CPT2: variants seen among roughly 807,000 people sequenced by gnomAD.
CPT2 encodes the protein carnitine O-palmitoyltransferase 2, mitochondrial.
In CPT2, 37 loss-of-function variants were observed where a neutral mutation model predicts 48.6. The ratio of observed to expected loss-of-function variants is 0.76; its 90% confidence interval spans 0.59 to 1.00. The LOEUF (loss-of-function observed/expected upper bound fraction) is 1.00, where lower values mean the gene tolerates loss of function less well. CPT2 is among the 50% of genes least tolerant of loss of function. The probability of loss-of-function intolerance (pLI) is 0.00; values close to 1 mark genes in which losing one functional copy is unlikely to be tolerated. For missense variants in CPT2, 772 were observed against 825.6 expected, an observed-to-expected ratio of 0.94 and a Z score of 0.80; for synonymous variants, 319 against 326.9, an observed-to-expected ratio of 0.98 and a Z score of 0.26.
chr1:53,212,666 T>G (rs1331537758), intron 4 of CPT2: 1 of 399,974 alleles, frequency 2.5e-6, no homozygotes, highest in African/African-American at 2.1e-5. Flanking sequence ...TTTGATAAAA[T>G]TCAAGACCTG....
In CPT2 at chr1:53,213,248, A is replaced by G; in HGVS notation, c.1646-16A>G. ...TTCCATCCTGAGACTCTGGTTTTCC[A>G]TTTTGTTTCTCACAGGCCAGGGCTT... On this transcript the variant is annotated splice_polypyrimidine_tract_variant and intron_variant, in intron 4 of 4. Transcript: ENST00000371486. 6.2e-7 allele frequency: 1 copy of G among 1,613,730 alleles called. No individual in the cohort carries two copies. The highest frequency in any genetic ancestry group is 8.5e-7 in the Non-Finnish European group (1 of 1,179,992).
At chr1:53,204,245 G>A (rs1645372307) in intron 3 of CPT2, 2 of 150,492 alleles carry the variant, frequency 1.3e-5, no homozygotes, top group African/African-American at 5.0e-5. Context: ...TAGAATTTCT[G>A]GGTCTCATCC....
chr1:53,197,448 C>T, intron 1 of CPT2: 1 of 389,954 alleles, frequency 2.6e-6, no homozygotes, highest in Non-Finnish European at 4.8e-6. Context: ...TGTAATCCCT[C>T]GACTATGGTG....
Position 53,211,019 on chromosome 1 carries a change from C to G in CPT2, c.1345C>G (p.Gln449Glu), listed in dbSNP as rs1057517492. The change falls in exon 4 of 5, where the codon CAG (glutamine) becomes GAG (glutamate). Residue 449 changes from glutamine to glutamate, a missense_variant. Gln to Glu is a conservative substitution (Grantham distance 29, BLOSUM62 2). Transcript: ENST00000371486. ...KTLTIDCVQFQRGGKEFLKKQ... is the reference protein window; with the variant it reads ...KTLTIDCVQFERGGKEFLKKQ... Reference sequence around the variant, plus strand: ...CCTCACTATTGACTGCGTCCAGTTTCAGAGAGGAGGCAAAGAATTCCTGAA... The same window carrying G: ...CCTCACTATTGACTGCGTCCAGTTTGAGAGAGGAGGCAAAGAATTCCTGAA... 2 of 1,614,116 alleles carry G rather than the reference C, an allele frequency of 1.2e-6. No homozygotes were observed. The highest frequency in any genetic ancestry group is 1.7e-6 in the Non-Finnish European group (2 of 1,180,046).
intron 3 of CPT2, among the ~76,000 whole-genome samples, chr1:53,206,242 A>C (rs1382282648): frequency 6.6e-6 from 1 of 152,096 alleles, no homozygotes; most frequent in Non-Finnish European, 1.5e-5. Context: ...CTATATGGAA[A>C]CACCTGGATG....
intron 4 of CPT2, 26 bp downstream of exon 4, chr1:53,211,345 C>T (rs1317717892): frequency 1.3e-6 from 2 of 1,562,990 alleles, no homozygotes; most frequent in Non-Finnish European, 1.7e-6. Context: ...GGAGCATGCC[C>T]TTGGGTCTTG....
chr1:53,210,713 G>C lies in CPT2; in HGVS notation c.1039G>C (p.Gly347Arg). ...HLSHNMLHGD[G>R]TNRWFDKSFN... ...GTCCCACAATATGCTGCATGGGGAT[G>C]GCACAAACCGCTGGTTTGATAAATC... is the stretch of plus-strand genomic sequence containing the variant. Residue 347 changes from glycine (G) to arginine (R), a missense_variant, in exon 4 of 5, where the codon GGC becomes CGC. Gly to Arg is a moderately radical substitution (Grantham distance 125). Coordinates refer to ENST00000371486, the MANE Select transcript of CPT2 (RefSeq NM_000098.3). The C allele has an allele frequency of 6.2e-7, 1 of 1,614,182 alleles. No individual in the cohort carries two copies. The highest frequency in any genetic ancestry group is 8.5e-7 in the Non-Finnish European group (1 of 1,180,034).
In CPT2 at chr1:53,213,806, A is replaced by G; in HGVS notation, c.*211A>G. 1.9e-6 allele frequency: 1 copy of G among 530,590 alleles called. No individual in the cohort carries two copies. Among genetic ancestry groups the G allele is most frequent in the Non-Finnish European group, 3.4e-6 (1 of 295,018 alleles). 32.9% of individuals were successfully genotyped at this position (530,590 alleles called of 1,614,324 possible). A position where few individuals can be genotyped will look rare whatever the true frequency, so the allele number is the denominator to read the frequency against. On this transcript the variant is annotated 3_prime_UTR_variant, in exon 5 of 5. Coordinates refer to ENST00000371486, the MANE Select transcript of CPT2 (RefSeq NM_000098.3). ...TAGCTGGGTGTGGTGGCATGTGCCT[A>G]TAATCCCAGCTACTTGGGAGGTTGA... is the stretch of plus-strand genomic sequence containing the variant.
intron 3 of CPT2, among the ~76,000 whole-genome samples, chr1:53,207,099 A>G (rs532952619): frequency 2.0e-5 from 3 of 151,784 alleles, no homozygotes; most frequent in African/African-American, 2.4e-5. Context: ...GGCAGTTCCT[A>G]CTCCTTGCTT....
chr1:53,211,151 G>T lies in CPT2; in HGVS notation c.1477G>T (p.Ala493Ser). Residue 493 changes from alanine to serine, a missense_variant, in exon 4 of 5, where the codon GCA (alanine) becomes TCA (serine). Ala to Ser is a moderately conservative substitution (Grantham distance 99). Transcript: ENST00000371486. ...VATYESCSTAAFKHGRTETIR... is the reference protein window; with the variant it reads ...VATYESCSTASFKHGRTETIR... ...CACCTACGAGTCCTGTAGCACTGCC[G>T]CATTCAAGCACGGCCGCACTGAGAC... The T allele has an allele frequency of 6.2e-7, 1 of 1,612,360 alleles. No homozygotes were observed. Among genetic ancestry groups the T allele is most frequent in the Non-Finnish European group, 8.5e-7 (1 of 1,178,774 alleles).
At position 53,210,242 on chromosome 1, in the gene CPT2, A is replaced by G; in HGVS notation, c.568A>G (p.Arg190Gly). ...PAKSDTITFK[R>G]LIRFVPSSLS... ...AAAAAGTGACACTATCACCTTCAAG[A>G]GACTCATACGCTTTGTGCCTTCCTC... is the stretch of plus-strand genomic sequence containing the variant. Residue 190 changes from arginine to glycine, a missense_variant, in exon 4 of 5, where the codon AGA becomes GGA. By Grantham distance (125) the Arg-to-Gly change is moderately radical (BLOSUM62 -2). Coordinates refer to ENST00000371486, the MANE Select transcript of CPT2 (RefSeq NM_000098.3). 1 of 1,614,162 alleles carries G rather than the reference A, an allele frequency of 6.2e-7. No homozygotes were observed. Among genetic ancestry groups the G allele is most frequent in the Non-Finnish European group, 8.5e-7 (1 of 1,180,030 alleles).
intron 4 of CPT2, 26 bp downstream of exon 4, chr1:53,211,345 C>G (rs1317717892): frequency 6.4e-7 from 1 of 1,562,872 alleles, no homozygotes; most frequent in African/African-American, 1.4e-5. Flanking sequence ...GGAGCATGCC[C>G]TTGGGTCTTG....
intron 1 of CPT2, chr1:53,197,522 AATAC>A (rs1645330898): frequency 7.1e-6 from 2 of 281,434 alleles, no homozygotes; most frequent in Non-Finnish European, 1.4e-5. Context: ...GCTGATTCCT[AATAC>A]ATCATGGTTA....
intron 3 of CPT2, among the ~76,000 whole-genome samples, chr1:53,207,221 T>A (rs1011323849): frequency 6.6e-6 from 1 of 152,202 alleles, no homozygotes; most frequent in Non-Finnish European, 1.5e-5. Flanking sequence ...CAGTTAAGCT[T>A]CTCTTCTTTA....
chr1:53,197,120 C>G, intron 1 of CPT2, 25 bp downstream of exon 1: 1 of 1,536,362 alleles, frequency 6.5e-7, no homozygotes, highest in Non-Finnish European at 8.7e-7. Flanking sequence ...CGGGTCCCCG[C>G]CGCCCGCCGC....
rs1176581459 is a variant in CPT2 at position 53,196,996 on chromosome 1, C to T, written c.53C>T (p.Pro18Leu). The stretch of plus-strand genomic sequence containing the variant: ...TGGCCCCGGGGCCCCGCGGTTGGTC[C>T]GGGAGCCCCCAGTCGGCCCCTCAGC... ...RAWPRGPAVG[P>L]GAPSRPLSAG... The change falls in exon 1 of 5, where the codon CCG (proline) becomes CTG (leucine). Residue 18 changes from proline (P) to leucine (L), a missense_variant. Physicochemically the swap from Pro to Leu is moderately conservative, Grantham distance 98. Transcript: ENST00000371486. 3.9e-6 allele frequency: 6 copies of T among 1,532,024 alleles called. No individual in the cohort carries two copies. The highest frequency in any genetic ancestry group is 1.2e-5 in the South Asian group (1 of 83,658). The allele number at this position is 1,532,024 out of a possible 1,614,324, so 94.9% of individuals were successfully genotyped here.
At position 53,213,650 on chromosome 1, in the gene CPT2, C is replaced by T. The variant is rs61561746; in HGVS notation, c.*55C>T. On this transcript the variant is annotated 3_prime_UTR_variant, in exon 5 of 5. Transcript: ENST00000371486. ...TTCCTCATCATGAAAACTGGGAGGC[C>T]GGGCATGGTGGCTCATGCCTGTAAT... The T allele has an allele frequency of 3.3e-4, 490 of 1,494,786 alleles. 1 individual carries two copies. In the African/African-American group the frequency reaches 6.0e-3, roughly 18 times the overall value. 92.6% of individuals were successfully genotyped at this position (1,494,786 alleles called of 1,614,324 possible).
rs747056624 is a variant in CPT2, at chr1:53,199,416, C to T, written c.153-1303C>T. Among the ~76,000 whole-genome samples the T allele has an allele frequency of 7.5e-4, 114 of 152,316 alleles. 2 individuals carry two copies. Among genetic ancestry groups the T allele is most frequent in the Non-Finnish European group, 1.3e-3 (87 of 68,014 alleles). On this transcript the variant is annotated intron_variant, in intron 1 of 4. Coordinates refer to ENST00000371486, the MANE Select transcript of CPT2 (RefSeq NM_000098.3). ...TGTTGCCCAGGCTGGTCTTGAACTC[C>T]TGGACTCGAGCAATCTGCCTGCCTC...
intron 4 of CPT2, 121 bp downstream of exon 4, chr1:53,211,440 C>T: frequency 9.4e-7 from 1 of 1,067,464 alleles, no homozygotes; most frequent in Admixed American, 2.1e-5. Flanking sequence ...CCATCGCCAA[C>T]TCCCCAAATT....
Sources: gnomAD v4.1 joint callset for allele counts (sites outside exome capture counted in the v4.1 genomes callset) on GRCh38, gnomAD v4.1.1 for gene constraint, MANE v1.5 for transcripts, NCBI Gene and HGNC (gene_info 2026-07-23, HGNC 2026-07-21) for gene names.